Variants in CCDC3 observed in about 807,000 individuals in gnomAD.
The protein encoded by CCDC3 is coiled-coil domain-containing protein 3.
Under a neutral mutation model 21.4 loss-of-function variants are expected in CCDC3, and 24 were observed. The ratio of observed to expected loss-of-function variants is 1.12; its 90% CI spans 0.81 to 1.58. CCDC3 has a LOEUF of 1.58. Among genes scored for constraint, CCDC3 ranks in the 40% most tolerant of loss-of-function variants. The pLI, the probability that CCDC3 is intolerant of heterozygous loss-of-function variation, is 0.00. For missense variants in CCDC3, 425 were observed against 360.9 expected (o/e 1.18, Z -1.44); for synonymous variants, 186 against 166.0 (o/e 1.12, Z -0.93).
At chr10:12,924,972 GCGGTGAGCAGC>G in intron 2 of CCDC3, among the ~76,000 whole-genome samples, 1 of 152,328 alleles carries the variant, frequency 6.6e-6, no homozygotes, top group Non-Finnish European at 1.5e-5. Flanking sequence ...CGATGTGGCA[GCGGTGAGCAGC>G]CCGTGTGGAC....
At chr10:12,914,552 C>T (rs947517552) in intron 2 of CCDC3, among the ~76,000 whole-genome samples, 35 of 152,060 alleles carry the variant, frequency 2.3e-4, no homozygotes, top group African/African-American at 4.8e-5. Flanking sequence ...TCAAGCGATT[C>T]GCCTGCCTCA....
At position 13,001,223 on chromosome 10, in the gene CCDC3, C is replaced by G; in HGVS notation, c.348G>C (p.Gln116His). The change falls in exon 1 of 3, where the codon CAG (glutamine) becomes CAC (histidine). Residue 116 changes from glutamine to histidine, a missense_variant. Gln to His is a conservative substitution (Grantham distance 24, BLOSUM62 0). Transcript: ENST00000378825. ...TGAGGAAGAAGAAATAGGAGTAGTC[C>G]TGGACCACGGTGTGGGAGTGGCACG... ...YFSCHSHTVV[Q>H]DYSYFFFLRM... The G allele has an allele frequency of 6.4e-7, 1 of 1,567,816 alleles. No individual in the cohort carries two copies. The highest frequency in any genetic ancestry group is 1.3e-5 in the African/African-American group (1 of 74,096).
At chr10:12,948,504 C>A (rs1295081640) in intron 2 of CCDC3, among the ~76,000 whole-genome samples, 3 of 151,862 alleles carry the variant, frequency 2.0e-5, no homozygotes, top group African/African-American at 7.3e-5. Flanking sequence ...CGGGAGGGGC[C>A]ACCTTCAGCT....
intron 2 of CCDC3, among the ~76,000 whole-genome samples, chr10:12,909,424 G>T (rs997604641): frequency 5.3e-5 from 8 of 152,160 alleles, no homozygotes; most frequent in African/African-American, 1.9e-4. Context: ...GCACCCGGGG[G>T]CCATGCTTAC....
chr10:12,904,557 G>T (rs1834143470), intron 2 of CCDC3, among the ~76,000 whole-genome samples: 1 of 147,710 alleles, frequency 6.8e-6, no homozygotes, highest in Non-Finnish European at 1.5e-5. Context: ...AATGGGGAGG[G>T]ATGGCAAGAT....
At chr10:13,036,610 G>A (rs1347441460) in intron 5 of CCDC3, among the ~76,000 whole-genome samples, 4 of 151,312 alleles carry the variant, frequency 2.6e-5, no homozygotes, top group Non-Finnish European at 5.9e-5. Flanking sequence ...TCAGCCTCCC[G>A]AGTAGCTGGG....
chr10:13,032,519 G>A (rs1473801013), intron 5 of CCDC3, among the ~76,000 whole-genome samples: 1 of 152,050 alleles, frequency 6.6e-6, no homozygotes, highest in African/African-American at 2.4e-5. Flanking sequence ...AGAAATAAAG[G>A]GTATTCAATT....
At chr10:12,898,743 G>A (rs1393234225) in intron 2 of CCDC3, 64 bp from the exon 3 acceptor site, 2 of 1,567,008 alleles carry the variant, frequency 1.3e-6, no homozygotes, top group Non-Finnish European at 1.7e-6. Flanking sequence ...GCGGCCAGGG[G>A]AGTCCCAGAA....
At chr10:12,935,178 T>C (rs1476010442) in intron 2 of CCDC3, among the ~76,000 whole-genome samples, 2 of 152,190 alleles carry the variant, frequency 1.3e-5, no homozygotes, top group Non-Finnish European at 2.9e-5. Flanking sequence ...ATGCCTGCCT[T>C]TGTCTTTATA....
At chr10:13,069,537 A>G (rs1034456306) in intron 4 of CCDC3, among the ~76,000 whole-genome samples, 12 of 152,226 alleles carry the variant, frequency 7.9e-5, no homozygotes, top group Admixed American at 7.9e-4. Flanking sequence ...TTTCTAACAC[A>G]TAACAGACTT....
chr10:12,913,179 T>A (rs1834296994), intron 2 of CCDC3, among the ~76,000 whole-genome samples: 1 of 152,218 alleles, frequency 6.6e-6, no homozygotes, highest in South Asian at 2.1e-4. Context: ...ATCACTCTGG[T>A]AGTATAGACA....
intron 2 of CCDC3, among the ~76,000 whole-genome samples, chr10:12,900,522 CAAAAAAAAAA>C (rs10716235): frequency 1.3e-5 from 1 of 75,870 alleles, no homozygotes. Context: ...ACTAAAAATA[CAAAAAAAAAA>C]AAAAAAAAAA....
chr10:13,056,137 C>T (rs953498996), intron 4 of CCDC3, among the ~76,000 whole-genome samples: 6 of 152,162 alleles, frequency 3.9e-5, no homozygotes, highest in African/African-American at 1.4e-4. Context: ...ACTTGTGTAA[C>T]AGCCCAACGT....
At chr10:13,036,730 C>T (rs932984441) in intron 5 of CCDC3, among the ~76,000 whole-genome samples, 3 of 151,900 alleles carry the variant, frequency 2.0e-5, no homozygotes, top group African/African-American at 7.3e-5. Flanking sequence ...GGTGATCTGC[C>T]CACTTTGGCC....
Position 12,898,089 on chromosome 10 carries a change from A to C in CCDC3, c.*327T>G. On this transcript the variant is annotated 3_prime_UTR_variant, in exon 3 of 3. Transcript: ENST00000378825. ...TAAGCACGTTGATGTCTTTTACACT[A>C]GAGATTCTAAAATGTTCTCTCCCCA... 1 of 319,042 alleles carries C rather than the reference A, an allele frequency of 3.1e-6. No homozygotes were observed. Among genetic ancestry groups the C allele is most frequent in the Non-Finnish European group, 5.8e-6 (1 of 172,912 alleles). 19.8% of individuals were successfully genotyped at this position (319,042 alleles called of 1,614,324 possible).
intron 2 of CCDC3, among the ~76,000 whole-genome samples, chr10:12,969,412 A>T (rs1835307764): frequency 6.6e-6 from 1 of 151,372 alleles, no homozygotes; most frequent in African/African-American, 2.4e-5. Context: ...AAAAATTAAA[A>T]ATAGATTGGA....
chr10:13,091,583 C>T (rs1182677896), intron 3 of CCDC3, among the ~76,000 whole-genome samples: 1 of 152,198 alleles, frequency 6.6e-6, no homozygotes, highest in Non-Finnish European at 1.5e-5. Flanking sequence ...AACACCATCT[C>T]AGCTAATACT....
chr10:12,994,772 G>GT (rs1257920034), intron 2 of CCDC3, among the ~76,000 whole-genome samples: 3 of 151,868 alleles, frequency 2.0e-5, no homozygotes, highest in East Asian at 1.9e-4. Flanking sequence ...AAGTTTTTGG[G>GT]TTTTTTTAAG....
At chr10:13,014,107 C>T (rs956853528) in intron 5 of CCDC3, among the ~76,000 whole-genome samples, 14 of 150,356 alleles carry the variant, frequency 9.3e-5, no homozygotes, top group Non-Finnish European at 2.1e-4. Flanking sequence ...GCCGAGATCA[C>T]GCCATTGCAC....
Sources: gnomAD v4.1 joint callset for allele counts (sites outside exome capture counted in the v4.1 genomes callset) on GRCh38, gnomAD v4.1.1 for gene constraint, MANE v1.5 for transcripts, NCBI Gene and HGNC (gene_info 2026-07-23, HGNC 2026-07-21) for gene names.